Variants in LAMA2 observed in about 807,000 individuals in gnomAD.
The protein encoded by LAMA2 is laminin subunit alpha 2.
In LAMA2, 269 loss-of-function variants were observed where a neutral mutation model predicts 364.8. The observed-to-expected ratio is 0.74, with a 90% CI of 0.67 to 0.82. The LOEUF (loss-of-function observed/expected upper bound fraction) is 0.82, where lower values mean the gene tolerates loss of function less well. LAMA2 is among the 40% of genes least tolerant of loss of function. LAMA2 has a pLI of 0.00. For synonymous variants in LAMA2, 1,379 were observed against 1,370.6 expected (o/e 1.01, Z -0.14); for missense variants, 3,807 against 3,873.2 (o/e 0.98, Z 0.45).
chr6:129,391,656 G>A lies in LAMA2; in HGVS notation c.5234+3G>A. ...GAAATTGCTGAAGATGAGTTGGTGT[G>A]AGTAGATGAGTTATTATTTTTTCTT... On this transcript the variant is annotated splice_donor_region_variant and intron_variant, in intron 36 of 64. Transcript: ENST00000421865. 1.2e-6 allele frequency: 2 copies of A among 1,610,966 alleles called. No individual in the cohort carries two copies. Among genetic ancestry groups the A allele is most frequent in the Non-Finnish European group, 1.7e-6 (2 of 1,177,448 alleles).
chr6:129,045,757 G>A (rs934300216), intron 1 of LAMA2, among the ~76,000 whole-genome samples: 10 of 151,978 alleles, frequency 6.6e-5, no homozygotes, highest in South Asian at 2.1e-4. Context: ...TTTATCCCTG[G>A]TCTCTTTTCT....
At chr6:129,023,409 C>T (rs1785580901) in intron 1 of LAMA2, among the ~76,000 whole-genome samples, 1 of 152,152 alleles carries the variant, frequency 6.6e-6, no homozygotes, top group African/African-American at 2.4e-5. Context: ...TTCTGCTCCT[C>T]TTTTTCCATT....
intron 40 of LAMA2, among the ~76,000 whole-genome samples, chr6:129,414,903 G>A (rs1268730699): frequency 6.6e-6 from 1 of 152,112 alleles, no homozygotes; most frequent in Non-Finnish European, 1.5e-5. Flanking sequence ...GTGCCATCAC[G>A]TATTTCATTA....
intron 3 of LAMA2, among the ~76,000 whole-genome samples, chr6:129,075,783 G>A (rs1194011291): frequency 6.6e-6 from 1 of 152,060 alleles, no homozygotes; most frequent in Non-Finnish European, 1.5e-5. Flanking sequence ...GTTTTAACGT[G>A]TTATCTTTGA....
intron 44 of LAMA2, among the ~76,000 whole-genome samples, chr6:129,444,041 A>C (rs1782247456): frequency 6.6e-6 from 1 of 152,186 alleles, no homozygotes; most frequent in East Asian, 1.9e-4. Context: ...ATAGATTAAA[A>C]ATTAAGTGAT....
intron 1 of LAMA2, among the ~76,000 whole-genome samples, chr6:128,943,529 G>A (rs929202452): frequency 1.3e-5 from 2 of 151,850 alleles, no homozygotes; most frequent in African/African-American, 4.8e-5. Context: ...TGGACCTCCA[G>A]CAATTCTCCT....
chr6:129,436,190 C>T (rs1781824453), intron 41 of LAMA2, among the ~76,000 whole-genome samples: 1 of 152,136 alleles, frequency 6.6e-6, no homozygotes, highest in South Asian at 2.1e-4. Context: ...AGTTTTAGTA[C>T]ATTGTCCCTC....
chr6:128,984,679 AAG>A (rs1205474591), intron 1 of LAMA2, among the ~76,000 whole-genome samples: 3 of 151,168 alleles, frequency 2.0e-5, no homozygotes, highest in Non-Finnish European at 4.4e-5. Flanking sequence ...TTGCAATGGG[AAG>A]AGAGATTTCT....
chr6:129,391,785 TATCTATC>T lies in LAMA2; in HGVS notation c.5234+140_5234+146del, dbSNP rs534114115. On this transcript the variant is annotated intron_variant, in intron 36 of 64. Transcript: ENST00000421865. ...TCCAACCTGGAGATATTTGCTATGT[TATCTATC>T]ATCTATCTATCTATCTATCTATCTA... 1,105 of 718,780 alleles carry T rather than the reference TATCTATC, an allele frequency of 1.5e-3. 1 individual carries two copies. The highest frequency in any genetic ancestry group is 2.3e-3 in the Non-Finnish European group (956 of 415,392). The allele number at this position is 718,780 out of a possible 1,614,324, so 44.5% of individuals were successfully genotyped here.
At chr6:129,020,772 C>G (rs1785403347) in intron 1 of LAMA2, among the ~76,000 whole-genome samples, 1 of 152,062 alleles carries the variant, frequency 6.6e-6, no homozygotes, top group Non-Finnish European at 1.5e-5. Context: ...GGGGGAACTT[C>G]AGAGAAAGCC....
chr6:129,051,043 AAAT>A (rs1260792626), intron 2 of LAMA2, among the ~76,000 whole-genome samples: 2 of 152,074 alleles, frequency 1.3e-5, no homozygotes, highest in East Asian at 3.9e-4. Context: ...TTCAGTGCTA[AAAT>A]AACATGAATG....
intron 1 of LAMA2, among the ~76,000 whole-genome samples, chr6:128,923,658 C>G (rs570447819): frequency 7.9e-5 from 12 of 152,096 alleles, no homozygotes; most frequent in African/African-American, 2.9e-4. Context: ...TTCTCAATAT[C>G]ACTGCTAATT....
At chr6:129,381,495 G>A (rs901121942) in intron 34 of LAMA2, among the ~76,000 whole-genome samples, 3 of 152,074 alleles carry the variant, frequency 2.0e-5, no homozygotes, top group Non-Finnish European at 4.4e-5. Flanking sequence ...GTGTGTATGT[G>A]AATGTGTTTA....
intron 1 of LAMA2, among the ~76,000 whole-genome samples, chr6:128,931,847 T>C (rs1274955009): frequency 6.6e-6 from 1 of 152,242 alleles, no homozygotes. Flanking sequence ...ACTTTTAAAC[T>C]CTTACTTTCC....
chr6:129,503,077 C>G lies in LAMA2; in HGVS notation c.8358-14C>G. 2 of 1,612,752 alleles carry G rather than the reference C, an allele frequency of 1.2e-6. No individual in the cohort carries two copies. The highest frequency in any genetic ancestry group is 1.7e-6 in the Non-Finnish European group (2 of 1,178,746). On this transcript the variant is annotated splice_polypyrimidine_tract_variant and intron_variant, in intron 59 of 64. Transcript: ENST00000421865. ...TTATTTTTCTGTTTGACTTTGCATG[C>G]TTTTGTTTCACAGTCTCACAATTGA...
chr6:129,169,054 A>G (rs550975712), intron 9 of LAMA2, among the ~76,000 whole-genome samples: 88 of 152,156 alleles, frequency 5.8e-4, no homozygotes, highest in Non-Finnish European at 1.1e-3. Flanking sequence ...GCTTAAGGAG[A>G]TTTTGGACTG....
chr6:129,364,617 C>G (rs1777655807), intron 32 of LAMA2, among the ~76,000 whole-genome samples: 1 of 152,168 alleles, frequency 6.6e-6, no homozygotes, highest in African/African-American at 2.4e-5. Flanking sequence ...TTTATGAGAT[C>G]TATTCCATAA....
At chr6:129,494,791 C>T (rs1017011592) in intron 58 of LAMA2, among the ~76,000 whole-genome samples, 2 of 152,162 alleles carry the variant, frequency 1.3e-5, no homozygotes, top group Admixed American at 6.5e-5. Flanking sequence ...CAGGTTAGAT[C>T]TTTGCTTAGC....
chr6:128,976,877 A>G (rs1782561626), intron 1 of LAMA2, among the ~76,000 whole-genome samples: 1 of 152,182 alleles, frequency 6.6e-6, no homozygotes, highest in South Asian at 2.1e-4. Context: ...CTTATGATCC[A>G]ATGCCCATGT....
Sources: allele counts gnomAD v4.1 joint callset (sites outside exome capture counted in the v4.1 genomes callset), GRCh38; gene constraint gnomAD v4.1.1; transcripts MANE v1.5; gene names NCBI Gene and HGNC (gene_info 2026-07-23, HGNC 2026-07-21).